OSBPL6: variants seen among roughly 807,000 people sequenced by gnomAD.
The protein encoded by OSBPL6 is oxysterol-binding protein-related protein 6.
Under a neutral mutation model 125.8 loss-of-function variants are expected in OSBPL6, and 49 were observed. That is an observed-to-expected ratio of 0.39 (90% CI 0.31 to 0.49). The LOEUF (loss-of-function observed/expected upper bound fraction) is 0.49. OSBPL6 is among the 20% of genes least tolerant of loss of function. The pLI is 0.88. For missense variants in OSBPL6, 986 were observed against 1,135.4 expected, an observed-to-expected ratio of 0.87 and a Z score of 1.89; for synonymous variants, 394 against 391.8, an observed-to-expected ratio of 1.01 and a Z score of -0.07.
At chr2:178,281,632 T>A (rs1368058396) in intron 1 of OSBPL6, among the ~76,000 whole-genome samples, 1 of 152,180 alleles carries the variant, frequency 6.6e-6, no homozygotes, top group Non-Finnish European at 1.5e-5. Context: ...TGTCTGTATT[T>A]GATCATGTCC....
At chr2:178,231,077 GGA>G (rs1360235476) in intron 1 of OSBPL6, among the ~76,000 whole-genome samples, 8 of 152,206 alleles carry the variant, frequency 5.3e-5, no homozygotes, top group East Asian at 1.9e-4. Context: ...GCAGAAGAAA[GGA>G]GAGAGGAGAG....
At chr2:178,293,676 T>C (rs1280008099) in intron 2 of OSBPL6, among the ~76,000 whole-genome samples, 1 of 152,104 alleles carries the variant, frequency 6.6e-6, no homozygotes, top group Non-Finnish European at 1.5e-5. Flanking sequence ...ACATGTACAA[T>C]TAAATTATAT....
At chr2:178,295,086 CTTA>C (rs1301864774) in intron 2 of OSBPL6, among the ~76,000 whole-genome samples, 1 of 151,958 alleles carries the variant, frequency 6.6e-6, no homozygotes, top group East Asian at 1.9e-4. Context: ...CCTCTTTTAT[CTTA>C]TTAATATTTT....
chr2:178,237,289 G>A (rs936772407), intron 1 of OSBPL6, among the ~76,000 whole-genome samples: 21 of 152,090 alleles, frequency 1.4e-4, no homozygotes, highest in African/African-American at 5.1e-4. Flanking sequence ...CAGAATTCTT[G>A]CTGCTTACTT....
At chr2:178,375,715 G>A (rs937283452) in intron 15 of OSBPL6, among the ~76,000 whole-genome samples, 5 of 152,084 alleles carry the variant, frequency 3.3e-5, no homozygotes, top group African/African-American at 1.2e-4. Context: ...GAGCCACTGC[G>A]CCCGACCCCT....
intron 5 of OSBPL6, among the ~76,000 whole-genome samples, chr2:178,328,950 G>A (rs1458058742): frequency 6.6e-6 from 1 of 152,082 alleles, no homozygotes; most frequent in Non-Finnish European, 1.5e-5. Context: ...ACTTAAATTA[G>A]TATAGATAAG....
intron 1 of OSBPL6, among the ~76,000 whole-genome samples, chr2:178,246,135 C>A (rs2091481625): frequency 6.6e-6 from 1 of 152,144 alleles, no homozygotes; most frequent in Non-Finnish European, 1.5e-5. Flanking sequence ...TTCCCTTGAT[C>A]CCACTTCTCT....
chr2:178,300,323 C>T (rs1339889052), intron 2 of OSBPL6, among the ~76,000 whole-genome samples: 1 of 152,198 alleles, frequency 6.6e-6, no homozygotes, highest in Non-Finnish European at 1.5e-5. Flanking sequence ...CTCCATTATT[C>T]CTTTGCTTGG....
At position 178,395,705 on chromosome 2, in the gene OSBPL6, A is replaced by T; in HGVS notation, c.*146A>T. 1.7e-6 allele frequency: 1 copy of T among 586,264 alleles called. No individual in the cohort carries two copies. The highest frequency in any genetic ancestry group is 3.0e-6 in the Non-Finnish European group (1 of 333,358). The allele number at this position is 586,264 out of a possible 1,614,324, so 36.3% of individuals were successfully genotyped here. A position where few individuals can be genotyped will look rare whatever the true frequency, so the allele number is the denominator to read the frequency against. On this transcript the variant is annotated 3_prime_UTR_variant, in exon 25 of 25. Transcript: ENST00000190611. ...CTATTCATCTTTATAATGGACTTTC[A>T]GAAGTGCATTAGACAAGGCCCCTAA...
intron 3 of OSBPL6, among the ~76,000 whole-genome samples, chr2:178,321,925 A>G (rs1047855022): frequency 6.6e-6 from 1 of 152,218 alleles, no homozygotes; most frequent in Non-Finnish European, 1.5e-5. Context: ...CAAATGGAGA[A>G]GAGACTAATA....
At chr2:178,287,352 C>T (rs895209697) in intron 2 of OSBPL6, among the ~76,000 whole-genome samples, 5 of 151,780 alleles carry the variant, frequency 3.3e-5, no homozygotes, top group Non-Finnish European at 5.9e-5. Flanking sequence ...AATGTTGAGG[C>T]ACATAGGAAA....
chr2:178,290,852 AG>A (rs1685191295), intron 2 of OSBPL6, among the ~76,000 whole-genome samples: 1 of 152,128 alleles, frequency 6.6e-6, no homozygotes, highest in Admixed American at 6.6e-5. Context: ...GTGTCCAAAA[AG>A]AAAAAAAAAA....
intron 1 of OSBPL6, among the ~76,000 whole-genome samples, chr2:178,284,532 A>G (rs927507367): frequency 6.6e-6 from 1 of 152,228 alleles, no homozygotes; most frequent in Admixed American, 6.5e-5. Context: ...CACCCTGGGC[A>G]TTGCAGCGAG....
At position 178,401,419 on chromosome 2, in the gene OSBPL6, C is replaced by T. The variant is rs1696101656; in HGVS notation, c.*5860C>T. ...GAAAAAGCAATGGAAATGAAAGTGTCCAGTGAACTTACTGGCAGTTGTGCA... is the reference window on the plus strand; with the variant it reads ...GAAAAAGCAATGGAAATGAAAGTGTTCAGTGAACTTACTGGCAGTTGTGCA... On this transcript the variant is annotated 3_prime_UTR_variant, in exon 25 of 25. Coordinates refer to ENST00000190611, the MANE Select transcript of OSBPL6 (RefSeq NM_032523.4). The T allele has an allele frequency of 6.6e-6, 1 of 152,186 alleles. No individual in the cohort carries two copies. The allele number at this position is 152,186 out of a possible 1,614,324, so 9.4% of individuals were successfully genotyped here. A position where few individuals can be genotyped will look rare whatever the true frequency, so the allele number is the denominator to read the frequency against.
chr2:178,296,008 G>T (rs947803275), intron 2 of OSBPL6, among the ~76,000 whole-genome samples: 1 of 152,042 alleles, frequency 6.6e-6, no homozygotes, highest in African/African-American at 2.4e-5. Flanking sequence ...GGGGCTTTAG[G>T]TCTGTGAGTT....
intron 2 of OSBPL6, among the ~76,000 whole-genome samples, chr2:178,304,856 C>T (rs945510482): frequency 1.1e-4 from 17 of 152,216 alleles, no homozygotes; most frequent in African/African-American, 4.1e-4. Flanking sequence ...TCACGCCAGA[C>T]ACCCTGGTAC....
chr2:178,204,365 A>G (rs774216423), intron 1 of OSBPL6, among the ~76,000 whole-genome samples: 3 of 152,038 alleles, frequency 2.0e-5, no homozygotes, highest in Non-Finnish European at 4.4e-5. Flanking sequence ...ATCTCTGGAA[A>G]TCTCTCTGTG....
chr2:178,371,425 T>G (rs1447033183), intron 13 of OSBPL6, among the ~76,000 whole-genome samples: 1 of 152,222 alleles, frequency 6.6e-6, no homozygotes, highest in Non-Finnish European at 1.5e-5. Flanking sequence ...AGTGTTTTAC[T>G]GATGCTAACT....
In OSBPL6 at chr2:178,305,864, A is replaced by G. The variant is rs117610250; in HGVS notation, c.-155-166A>G. Reference sequence around the variant, plus strand: ...AACAGTCCTTTTTTTTTTTTTTTTTACACACTGACACTTTCATCTTCCGCC... The same window carrying G: ...AACAGTCCTTTTTTTTTTTTTTTTTGCACACTGACACTTTCATCTTCCGCC... On this transcript the variant is annotated intron_variant, in intron 2 of 24. Transcript: ENST00000190611. Among the ~76,000 whole-genome samples the G allele has an allele frequency of 0.021, 2,200 of 105,118 alleles. 89 individuals carry two copies. In the East Asian group the frequency reaches 0.21, roughly 10 times the overall value. 69.0% of individuals were successfully genotyped at this position (105,118 alleles called of 152,430 possible). A position where few individuals can be genotyped will look rare whatever the true frequency, so the allele number is the denominator to read the frequency against.
Sources: allele counts gnomAD v4.1 joint callset (sites outside exome capture counted in the v4.1 genomes callset), GRCh38; gene constraint gnomAD v4.1.1; transcripts MANE v1.5; gene names NCBI Gene and HGNC (gene_info 2026-07-23, HGNC 2026-07-21).